ITSN1: variants seen among roughly 807,000 people sequenced by gnomAD.
ITSN1 encodes the protein intersectin-1.
ITSN1 carries 58 observed loss-of-function variants against 239.8 expected under a neutral mutation model. That is an observed-to-expected ratio of 0.24 (90% CI 0.20 to 0.30). The LOEUF is 0.30. ITSN1 is among the 10% of genes least tolerant of loss of function. The probability of loss-of-function intolerance (pLI) is 1.00; values close to 1 mark genes in which losing one functional copy is unlikely to be tolerated. For missense variants in ITSN1, 1,558 were observed against 2,103.3 expected (o/e 0.74, Z 5.07); for synonymous variants, 780 against 770.8 (o/e 1.01, Z -0.20).
At chr21:33,768,805 TCTAAA>T (rs1173993552) in intron 11 of ITSN1, among the ~76,000 whole-genome samples, 3 of 152,232 alleles carry the variant, frequency 2.0e-5, no homozygotes, top group Non-Finnish European at 4.4e-5. Context: ...CAGTTTATTG[TCTAAA>T]CTAAATTACC....
At chr21:33,698,349 TC>T (rs1206203461) in intron 1 of ITSN1, among the ~76,000 whole-genome samples, 1 of 152,010 alleles carries the variant, frequency 6.6e-6, no homozygotes, top group East Asian at 1.9e-4. Flanking sequence ...CTGCTGCCAC[TC>T]CCCCCTAACA....
chr21:33,790,137 A>G (rs1211744533), intron 16 of ITSN1, among the ~76,000 whole-genome samples: 1 of 152,138 alleles, frequency 6.6e-6, no homozygotes, highest in Non-Finnish European at 1.5e-5. Context: ...TCCACCAGAA[A>G]AATGCCCATA....
chr21:33,731,888 A>T (rs927025334), intron 4 of ITSN1, among the ~76,000 whole-genome samples: 2 of 152,226 alleles, frequency 1.3e-5, no homozygotes, highest in African/African-American at 4.8e-5. Context: ...ATGGCCTGTG[A>T]CACAGCCCTC....
At chr21:33,755,546 G>A in intron 8 of ITSN1, 149 bp downstream of exon 8, 2 of 576,296 alleles carry the variant, frequency 3.5e-6, no homozygotes, top group Non-Finnish European at 6.1e-6. Flanking sequence ...CTTATCCACT[G>A]ATAACTCTTT....
chr21:33,681,958 G>A (rs753028621), intron 1 of ITSN1, among the ~76,000 whole-genome samples: 1 of 150,278 alleles, frequency 6.7e-6, no homozygotes, highest in Non-Finnish European at 1.5e-5. Context: ...ATGAACCACC[G>A]CGCCTGGCCT....
intron 28 of ITSN1, among the ~76,000 whole-genome samples, chr21:33,835,908 G>A (rs1436674739): frequency 2.6e-5 from 4 of 152,192 alleles, no homozygotes; most frequent in African/African-American, 9.7e-5. Context: ...TCCAGCGTGG[G>A]CAACAGAGCG....
rs528061280 is a variant in ITSN1, at chr21:33,830,127, A to G, written c.3351+382A>G. On this transcript the variant is annotated intron_variant, in intron 27 of 39. Coordinates refer to ENST00000381318, the MANE Select transcript of ITSN1 (RefSeq NM_003024.3). ...CAGATTTCTTTGCATTCAAAGCCAC[A>G]TCCATACATCACAGTATTTTTAGTT... 2.0e-5 allele frequency among the ~76,000 whole-genome samples: 3 copies of G among 152,302 alleles called. No individual in the cohort carries two copies. The East Asian group carries it at 5.8e-4, about 29-fold the overall frequency.
At chr21:33,774,944 T>C in intron 13 of ITSN1, 24 bp from the exon 14 acceptor site, 2 of 1,604,108 alleles carry the variant, frequency 1.2e-6, no homozygotes, top group Non-Finnish European at 1.7e-6. Flanking sequence ...AGTAATAATT[T>C]TTATTATCTT....
chr21:33,856,997 C>A, intron 30 of ITSN1, 140 bp downstream of exon 30: 1 of 766,168 alleles, frequency 1.3e-6, no homozygotes, highest in Non-Finnish European at 2.1e-6. Flanking sequence ...ATGGCAAATG[C>A]TATAGGAGAT....
chr21:33,690,819 ATATATATATATATATATATGTAAAAG>A (rs2091501603), intron 1 of ITSN1, among the ~76,000 whole-genome samples: 1 of 61,744 alleles, frequency 1.6e-5, no homozygotes, highest in East Asian at 3.6e-4. Context: ...ATATATGTAT[ATATATATATATATATATATGTAAAAG>A]TTAAAAAAAA....
intron 5 of ITSN1, among the ~76,000 whole-genome samples, chr21:33,742,029 A>G (rs1424717563): frequency 2.6e-5 from 4 of 151,824 alleles, no homozygotes; most frequent in Non-Finnish European, 5.9e-5. Context: ...AGTGATGACC[A>G]CTGTGTTCAA....
chr21:33,886,854 G>A (rs1985879060), intron 39 of ITSN1, among the ~76,000 whole-genome samples: 1 of 152,172 alleles, frequency 6.6e-6, no homozygotes, highest in African/African-American at 2.4e-5. Context: ...GCCGCAGAAT[G>A]GGCCAGGTCC....
chr21:33,671,606 C>T (rs976111147), intron 1 of ITSN1, among the ~76,000 whole-genome samples: 13 of 151,904 alleles, frequency 8.6e-5, no homozygotes, highest in Non-Finnish European at 1.5e-5. Context: ...ACTTACAATA[C>T]AGCCTGACCA....
At chr21:33,705,842 C>T (rs1453705453) in intron 1 of ITSN1, among the ~76,000 whole-genome samples, 4 of 152,112 alleles carry the variant, frequency 2.6e-5, no homozygotes, top group Non-Finnish European at 4.4e-5. Context: ...TTCATTTCTC[C>T]TATCATTCTA....
intron 4 of ITSN1, among the ~76,000 whole-genome samples, chr21:33,725,140 T>G (rs1486055212): frequency 2.1e-5 from 3 of 143,598 alleles, no homozygotes; most frequent in Non-Finnish European, 3.0e-5. Context: ...TTTGTTTTTT[T>G]TTTTTTTTTT....
At chr21:33,666,131 A>G (rs191761255) in intron 1 of ITSN1, among the ~76,000 whole-genome samples, 1 of 152,162 alleles carries the variant, frequency 6.6e-6, no homozygotes, top group South Asian at 2.1e-4. Context: ...GGGTTTCACC[A>G]TGTTGGTCAG....
chr21:33,647,975 T>C (rs2088133042), intron 1 of ITSN1, among the ~76,000 whole-genome samples: 1 of 152,264 alleles, frequency 6.6e-6, no homozygotes, highest in Non-Finnish European at 1.5e-5. Flanking sequence ...TCAAAGCCTA[T>C]GCTAAATTTT....
At chr21:33,750,432 TC>T in intron 6 of ITSN1, 110 bp downstream of exon 6, 1 of 1,005,364 alleles carries the variant, frequency 9.9e-7, no homozygotes, top group Non-Finnish European at 1.5e-6. Context: ...GATATTTTAG[TC>T]CAGAGGAAAA....
At chr21:33,643,217 A>C (rs906328445) in intron 1 of ITSN1, among the ~76,000 whole-genome samples, 1 of 151,468 alleles carries the variant, frequency 6.6e-6, no homozygotes. Context: ...CCTCGCTCGC[A>C]AGCCTGCAGA....
Sources: gnomAD v4.1 joint callset for allele counts (sites outside exome capture counted in the v4.1 genomes callset) on GRCh38, gnomAD v4.1.1 for gene constraint, MANE v1.5 for transcripts, NCBI Gene and HGNC (gene_info 2026-07-23, HGNC 2026-07-21) for gene names.